Variants in WWTR1 observed in about 807,000 individuals in gnomAD.
The protein encoded by WWTR1 is WW domain containing transcription regulator 1, also known as WW domain-containing transcription regulator protein 1.
WWTR1 carries 13 observed loss-of-function variants against 40.1 expected under a neutral mutation model. The ratio of observed to expected loss-of-function variants is 0.32; its 90% confidence interval spans 0.21 to 0.52. WWTR1 has a LOEUF of 0.52. Ranked by LOEUF, WWTR1 falls within the 20% of genes least tolerant of loss-of-function variation. WWTR1 has a pLI of 0.97. For synonymous variants in WWTR1, 230 were observed against 210.1 expected (o/e 1.09, Z -0.82); for missense variants, 436 against 523.1 (o/e 0.83, Z 1.63).
At chr3:149,657,368 G>A in intron 1 of WWTR1, 59 bp from the exon 2 acceptor site, 1 of 1,516,992 alleles carries the variant, frequency 6.6e-7, no homozygotes, top group Admixed American at 2.1e-5. Flanking sequence ...GGGTAAGAGG[G>A]TTACAGGGTG....
At chr3:149,702,063 C>CAA (rs550708809) in intron 1 of WWTR1, 71 of 139,644 alleles carry the variant, frequency 5.1e-4, no homozygotes, top group East Asian at 2.8e-3. Context: ...GCAGATGTAA[C>CAA]AAAAAAAAAA....
chr3:149,554,958 A>T (rs1011325876), intron 3 of WWTR1, among the ~76,000 whole-genome samples: 17 of 152,262 alleles, frequency 1.1e-4, no homozygotes, highest in African/African-American at 4.1e-4. Context: ...TAGCAGTACA[A>T]CTACAACTGT....
chr3:149,618,136 T>C (rs1740080644), intron 2 of WWTR1, among the ~76,000 whole-genome samples: 1 of 152,172 alleles, frequency 6.6e-6, no homozygotes, highest in South Asian at 2.1e-4. Context: ...AAACAAGAGA[T>C]TCCAAAGATA....
At chr3:149,680,767 A>G (rs1230739403) in intron 1 of WWTR1, among the ~76,000 whole-genome samples, 1 of 152,082 alleles carries the variant, frequency 6.6e-6, no homozygotes, top group Non-Finnish European at 1.5e-5. Context: ...GCTTGAGCCC[A>G]GGAGTTTGGG....
intron 2 of WWTR1, among the ~76,000 whole-genome samples, chr3:149,574,928 C>G (rs1737813104): frequency 6.6e-6 from 1 of 151,992 alleles, no homozygotes; most frequent in South Asian, 2.1e-4. Context: ...AACCCCAGCT[C>G]TATTAAAAAT....
chr3:149,607,563 C>G (rs964019028), intron 2 of WWTR1, among the ~76,000 whole-genome samples: 1 of 152,206 alleles, frequency 6.6e-6, no homozygotes, highest in African/African-American at 2.4e-5. Context: ...ATCCGCCCGC[C>G]TCGGCCTCCC....
At chr3:149,678,623 A>C (rs1714350955) in intron 1 of WWTR1, among the ~76,000 whole-genome samples, 1 of 152,224 alleles carries the variant, frequency 6.6e-6, no homozygotes, top group Middle Eastern at 3.4e-3. Flanking sequence ...GTGAAGGCTT[A>C]CAGTATCAAT....
At chr3:149,615,944 T>C (rs987089071) in intron 2 of WWTR1, among the ~76,000 whole-genome samples, 3 of 152,212 alleles carry the variant, frequency 2.0e-5, no homozygotes, top group Non-Finnish European at 4.4e-5. Flanking sequence ...TCTCTCTGTT[T>C]ATCCAAGATA....
chr3:149,529,097 T>A (rs905207477), intron 4 of WWTR1, among the ~76,000 whole-genome samples: 3 of 152,226 alleles, frequency 2.0e-5, no homozygotes, highest in South Asian at 4.1e-4. Flanking sequence ...CAGAGAATAC[T>A]TTTGTATGTT....
intron 4 of WWTR1, among the ~76,000 whole-genome samples, chr3:149,718,040 T>A (rs1715652940): frequency 6.6e-6 from 1 of 152,184 alleles, no homozygotes; most frequent in African/African-American, 2.4e-5. Flanking sequence ...TACAAAATTA[T>A]ATCCCTAAAC....
intron 2 of WWTR1, among the ~76,000 whole-genome samples, chr3:149,622,472 AG>A (rs1182719767): frequency 7.5e-5 from 8 of 106,296 alleles, no homozygotes; most frequent in African/African-American, 2.4e-4. Context: ...GAAGGAAGGA[AG>A]GAAGGAAGGA....
intron 4 of WWTR1, chr3:149,540,088 ACACACAC>A (rs1736019710): frequency 1.1e-5 from 2 of 179,710 alleles, no homozygotes; most frequent in East Asian, 4.1e-4. Context: ...CTACACACAC[ACACACAC>A]ACACACACAC....
intron 2 of WWTR1, among the ~76,000 whole-genome samples, chr3:149,605,822 A>G (rs886671927): frequency 2.0e-5 from 3 of 152,176 alleles, no homozygotes; most frequent in Admixed American, 1.3e-4. Flanking sequence ...TGAATCTAAT[A>G]TCCTGTCCAA....
intron 2 of WWTR1, among the ~76,000 whole-genome samples, chr3:149,602,688 G>A (rs536464130): frequency 3.3e-5 from 5 of 152,064 alleles, no homozygotes; most frequent in East Asian, 1.9e-4. Flanking sequence ...TTTTTGAGAC[G>A]GAGTCTCACT....
intron 2 of WWTR1, among the ~76,000 whole-genome samples, chr3:149,642,120 T>A (rs1447393905): frequency 3.3e-5 from 5 of 152,222 alleles, no homozygotes; most frequent in African/African-American, 1.2e-4. Context: ...TTGGATTTTA[T>A]GTTAAAATGT....
chr3:149,672,695 A>C (rs1171068988), intron 1 of WWTR1, among the ~76,000 whole-genome samples: 1 of 151,908 alleles, frequency 6.6e-6, no homozygotes, highest in Non-Finnish European at 1.5e-5. Flanking sequence ...TTTTATGCCT[A>C]CTTTTTATTT....
rs1303333245 is a variant in WWTR1, at chr3:149,550,854, A to G, written c.569-8317T>C. 6.2e-5 allele frequency among the ~76,000 whole-genome samples: 9 copies of G among 146,082 alleles called. 1 individual carries two copies. Among genetic ancestry groups the G allele is most frequent in the Non-Finnish European group, 1.5e-5 (1 of 66,440 alleles). On this transcript the variant is annotated intron_variant, in intron 3 of 6. Coordinates refer to ENST00000360632, the MANE Select transcript of WWTR1 (RefSeq NM_015472.6). Reference sequence around the variant, plus strand: ...GCTTAACTTCCGTATCAGTTTTCACAGGTAGTTAGCAAAGCCTTGCTAAAT... The same window carrying G: ...GCTTAACTTCCGTATCAGTTTTCACGGGTAGTTAGCAAAGCCTTGCTAAAT...
chr3:149,566,777 T>G (rs1394693116), intron 3 of WWTR1, among the ~76,000 whole-genome samples: 1 of 151,416 alleles, frequency 6.6e-6, no homozygotes, highest in African/African-American at 2.4e-5. Context: ...ACAGACAAGA[T>G]TTTCCATCTT....
chr3:149,716,269 G>A (rs1027237488), intron 5 of WWTR1, among the ~76,000 whole-genome samples: 71 of 152,004 alleles, frequency 4.7e-4, no homozygotes, highest in African/African-American at 1.7e-3. Context: ...TGTAATCCCA[G>A]CTACTCAGAA....
Sources: allele counts gnomAD v4.1 joint callset (sites outside exome capture counted in the v4.1 genomes callset), GRCh38; gene constraint gnomAD v4.1.1; transcripts MANE v1.5; gene names NCBI Gene and HGNC (gene_info 2026-07-23, HGNC 2026-07-21).